POLD1: variants seen among roughly 807,000 people sequenced by gnomAD.
POLD1 encodes the protein DNA polymerase delta catalytic subunit.
POLD1 carries 79 observed loss-of-function variants against 129.7 expected under a neutral mutation model. The ratio of observed to expected loss-of-function variants is 0.61; its 90% confidence interval spans 0.51 to 0.73. The LOEUF (loss-of-function observed/expected upper bound fraction) is 0.73. POLD1 is among the 30% of genes least tolerant of loss of function. The probability of loss-of-function intolerance (pLI) is 0.00; values close to 1 mark genes in which losing one functional copy is unlikely to be tolerated. For synonymous variants in POLD1, 714 were observed against 683.3 expected, an observed-to-expected ratio of 1.04 and a Z score of -0.70; for missense variants, 1,338 against 1,595.8, an observed-to-expected ratio of 0.84 and a Z score of 2.75.
rs779097933 is a variant in POLD1 at position 50,413,524 on chromosome 19, C to T, written c.2250+3C>T. 9 of 1,602,924 alleles carry T rather than the reference C, an allele frequency of 5.6e-6. No individual in the cohort carries two copies. The highest frequency in any genetic ancestry group is 1.6e-4 in the Middle Eastern group (1 of 6,076). On this transcript the variant is annotated splice_donor_region_variant and intron_variant, in intron 18 of 26. Transcript: ENST00000440232. Reference sequence around the variant, plus strand: ...ATGGCTACAGCACCAGTGCCAAGGTCGGGGGCTGCCCACCGCTGCCCTGAG... The same window carrying T: ...ATGGCTACAGCACCAGTGCCAAGGTTGGGGGCTGCCCACCGCTGCCCTGAG...
Position 50,416,537 on chromosome 19 carries a change from G to T in POLD1, c.2953+9G>T, listed in dbSNP as rs748893681. ...CGAGGCTGTGCTACTGCGTACGGGG[G>T]CACCAGGGGACTGGGGGCACCCTGG... On this transcript the variant is annotated intron_variant, in intron 23 of 26. Coordinates refer to ENST00000440232, the MANE Select transcript of POLD1 (RefSeq NM_002691.4). The T allele has an allele frequency of 6.4e-7, 1 of 1,551,862 alleles. No homozygotes were observed. Among genetic ancestry groups the T allele is most frequent in the Non-Finnish European group, 8.7e-7 (1 of 1,150,108 alleles).
intron 22 of POLD1, 147 bp from the exon 23 acceptor site, chr19:50,416,249 C>G: frequency 1.3e-6 from 1 of 763,956 alleles, no homozygotes; most frequent in Non-Finnish European, 2.1e-6. Flanking sequence ...GACTCCGTGA[C>G]CTCCGACCCC....
chr19:50,415,717 C>T lies in POLD1; in HGVS notation c.2718-7C>T. 1 of 1,533,856 alleles carries T rather than the reference C, an allele frequency of 6.5e-7. No individual in the cohort carries two copies. Among genetic ancestry groups the T allele is most frequent in the Non-Finnish European group, 8.8e-7 (1 of 1,139,406 alleles). On this transcript the variant is annotated splice_region_variant and splice_polypyrimidine_tract_variant and intron_variant, in intron 21 of 26. Transcript: ENST00000440232. ...CCTCACCCACCCGCCACCCCATCTC[C>T]ACGCAGGATGAGGAAGCGGGACCCC...
chr19:50,406,988 G>T lies in POLD1; in HGVS notation c.1500G>T (p.Gly500=). ...QHSIITDLQN[G]NDQTRRRLAV... ...CCATCCGTGCCCATCCCCAGAATGG[G>T]AACGACCAGACCCGCCGCCGCCTGG... The change falls in exon 13 of 27, where the codon GGG becomes GGT. Residue 500 remains glycine, a synonymous_variant. Coordinates refer to ENST00000440232, the MANE Select transcript of POLD1 (RefSeq NM_002691.4). This position sits in a 1 kb window ranked among gnomAD's most constrained non-coding sequence, Gnocchi z 5.5. 1.3e-6 allele frequency: 2 copies of T among 1,596,662 alleles called. No individual in the cohort carries two copies. The highest frequency in any genetic ancestry group is 2.2e-5 in the East Asian group (1 of 44,662).
chr19:50,385,549 G>A (rs915440172), intron 1 of POLD1, among the ~76,000 whole-genome samples: 3 of 128,738 alleles, frequency 2.3e-5, no homozygotes. Flanking sequence ...TTTTTTTTGA[G>A]ACAGAGTCTT....
In POLD1 at chr19:50,417,939, G is replaced by A. The variant is rs778990190; in HGVS notation, c.3316G>A (p.Ala1106Thr). Residue 1106 changes from alanine to threonine, a missense_variant, in exon 27 of 27, where the codon GCC becomes ACC. Transcript: ENST00000440232. ...LRRFGPPGPE[A>T]W ...GCGCTTCGGACCCCCTGGACCTGAGGCCTGGTGACCTTGCAAGCATCCCAT... is the reference window on the plus strand; with the variant it reads ...GCGCTTCGGACCCCCTGGACCTGAGACCTGGTGACCTTGCAAGCATCCCAT... The A allele has an allele frequency of 1.9e-6, 3 of 1,604,778 alleles. No homozygotes were observed. Among genetic ancestry groups the A allele is most frequent in the Non-Finnish European group, 2.6e-6 (3 of 1,174,118 alleles).
chr19:50,406,619 C>A lies in POLD1; in HGVS notation c.1494+102C>A. 1 of 839,464 alleles carries A rather than the reference C, an allele frequency of 1.2e-6. No homozygotes were observed. The highest frequency in any genetic ancestry group is 1.5e-5 in the South Asian group (1 of 65,696). 52.0% of individuals were successfully genotyped at this position (839,464 alleles called of 1,614,324 possible). On this transcript the variant is annotated intron_variant, in intron 12 of 26. Coordinates refer to ENST00000440232, the MANE Select transcript of POLD1 (RefSeq NM_002691.4). The surrounding 1 kb of genome is among the most constrained non-coding windows in gnomAD (Gnocchi z 5.5). Reference sequence around the variant, plus strand: ...TCACGCCCCCACGTCTGACCTCACTCTTTGACCTGCTGTTATGACCTGTGA... The same window carrying A: ...TCACGCCCCCACGTCTGACCTCACTATTTGACCTGCTGTTATGACCTGTGA...
rs2122196742 is a variant in POLD1 at position 50,398,998 on chromosome 19, G to T, written c.147G>T (p.Arg49Ser). 1 of 1,566,510 alleles carries T rather than the reference G, an allele frequency of 6.4e-7. No homozygotes were observed. The highest frequency in any genetic ancestry group is 2.3e-5 in the East Asian group (1 of 42,896). ...ALMEEMEAEH[R>S]LQEQEEEELQ... ...TGGAGGAGATGGAGGCAGAACACAGGCTGCAGGAGCAGGAGGAGGAGGAGC... is the reference window on the plus strand; with the variant it reads ...TGGAGGAGATGGAGGCAGAACACAGTCTGCAGGAGCAGGAGGAGGAGGAGC... The change falls in exon 2 of 27, where the codon AGG becomes AGT. Residue 49 changes from arginine (R) to serine (S), a missense_variant. Arg to Ser is a moderately radical substitution (Grantham distance 110). Around this residue, in one of 3 missense-constraint regions of POLD1, gnomAD observed 332 missense variants for 315.7 expected, o/e 1.05. Coordinates refer to ENST00000440232, the MANE Select transcript of POLD1 (RefSeq NM_002691.4).
Position 50,406,870 on chromosome 19 carries a change from C to A in POLD1, c.1495-113C>A. On this transcript the variant is annotated intron_variant, in intron 12 of 26. Coordinates refer to ENST00000440232, the MANE Select transcript of POLD1 (RefSeq NM_002691.4). This position sits in a 1 kb window ranked among gnomAD's most constrained non-coding sequence, Gnocchi z 5.5. ...ACGACTTGGAGGGCCCTCCTGCCCGCCTCACCTCCCAGGCCCTCCCCAGGC... is the reference window on the plus strand; with the variant it reads ...ACGACTTGGAGGGCCCTCCTGCCCGACTCACCTCCCAGGCCCTCCCCAGGC... 1 of 866,046 alleles carries A rather than the reference C, an allele frequency of 1.2e-6. No homozygotes were observed. The highest frequency in any genetic ancestry group is 2.5e-5 in the East Asian group (1 of 40,310). 53.6% of individuals were successfully genotyped at this position (866,046 alleles called of 1,614,324 possible).
In POLD1 at chr19:50,413,926, G is replaced by A. The variant is rs777494756; in HGVS notation, c.2388+47G>A. ...TCTGCATTTAGGTGCCCTCATCAGG[G>A]TACTCAGGGTGTCCCGTTCTTTGGG... On this transcript the variant is annotated intron_variant, in intron 19 of 26. Transcript: ENST00000440232. 2.0e-6 allele frequency: 3 copies of A among 1,522,016 alleles called. No individual in the cohort carries two copies. The South Asian group carries it at 3.9e-5, about 20-fold the overall frequency. 94.3% of individuals were successfully genotyped at this position (1,522,016 alleles called of 1,614,324 possible). A position where few individuals can be genotyped will look rare whatever the true frequency, so the allele number is the denominator to read the frequency against.
At chr19:50,391,425 CGA>C (rs1232952423) in intron 1 of POLD1, among the ~76,000 whole-genome samples, 1 of 152,292 alleles carries the variant, frequency 6.6e-6, no homozygotes, top group African/African-American at 2.4e-5. Context: ...ACTGAGTGAG[CGA>C]GACTCCGTCT....
chr19:50,402,401 C>T (rs2122247781), intron 6 of POLD1, 28 bp downstream of exon 6: 1 of 1,613,770 alleles, frequency 6.2e-7, no homozygotes, highest in Non-Finnish European at 8.5e-7. Flanking sequence ...CTTCTCCGGC[C>T]TCTATCCCCA....
chr19:50,413,289 GC>G (rs997663143), intron 17 of POLD1, 136 bp from the exon 18 acceptor site: 1 of 681,172 alleles, frequency 1.5e-6, no homozygotes, highest in Non-Finnish European at 2.5e-6. Flanking sequence ...GGGAACTGAG[GC>G]CCAGGAGGGG....
intron 10 of POLD1, among the ~76,000 whole-genome samples, chr19:50,404,132 G>T (rs1468238020): frequency 1.3e-5 from 2 of 152,216 alleles, no homozygotes; most frequent in Non-Finnish European, 2.9e-5. Context: ...GTGTCAGCGG[G>T]CCTGCTTCCT....
At position 50,416,486 on chromosome 19, in the gene POLD1, G is replaced by A. The variant is rs897259743; in HGVS notation, c.2911G>A (p.Glu971Lys). The A allele has an allele frequency of 8.4e-6, 13 of 1,551,916 alleles. No individual in the cohort carries two copies. Among genetic ancestry groups the A allele is most frequent in the East Asian group, 7.3e-5 (3 of 41,154 alleles). The change falls in exon 23 of 27, where the codon GAG (glutamate) becomes AAG (lysine). Residue 971 changes from glutamate to lysine, a missense_variant. Glu to Lys is a moderately conservative substitution (Grantham distance 56). Around this residue, in one of 3 missense-constraint regions of POLD1, gnomAD observed 286 missense variants for 277.5 expected, o/e 1.03. Coordinates refer to ENST00000440232, the MANE Select transcript of POLD1 (RefSeq NM_002691.4). Reference sequence around the variant, plus strand: ...GGCCAAGCCCCTCCTGCGCATCTTCGAGCCCATCCTGGGCGAGGGCCGTGC... The same window carrying A: ...GGCCAAGCCCCTCCTGCGCATCTTCAAGCCCATCCTGGGCGAGGGCCGTGC... ...QLAKPLLRIFEPILGEGRAEA... is the reference protein window; with the variant it reads ...QLAKPLLRIFKPILGEGRAEA...
Position 50,398,713 on chromosome 19 carries a change from G to C in POLD1, c.-1-138G>C. 3 of 1,387,522 alleles carry C rather than the reference G, an allele frequency of 2.2e-6. No homozygotes were observed. The South Asian group carries it at 4.0e-5, about 19-fold the overall frequency. The allele number at this position is 1,387,522 out of a possible 1,614,324, so 86.0% of individuals were successfully genotyped here. On this transcript the variant is annotated intron_variant, in intron 1 of 26. Coordinates refer to ENST00000440232, the MANE Select transcript of POLD1 (RefSeq NM_002691.4). ...GTGCTCCCACCCCACTGCCTGCAGG[G>C]TGCAGAGAGCTATGTTAGTACAGCC... is the stretch of plus-strand genomic sequence containing the variant.
At chr19:50,393,937 T>C (rs985480793) in intron 1 of POLD1, 1 of 152,200 alleles carries the variant, frequency 6.6e-6, no homozygotes, top group Non-Finnish European at 1.5e-5. Flanking sequence ...TTCTAACATA[T>C]ACTCCATCAG....
In POLD1 at chr19:50,402,100, G is replaced by T. The variant is rs761846026; in HGVS notation, c.565G>T (p.Ala189Ser). The change falls in exon 5 of 27, where the codon GCT (alanine) becomes TCT (serine). Residue 189 changes from alanine to serine, a missense_variant. This residue lies in a region of POLD1 where 332 missense variants were observed against 315.7 expected (regional missense o/e 1.05). Coordinates refer to ENST00000440232, the MANE Select transcript of POLD1 (RefSeq NM_002691.4). ...GGAGCTGACTGGGCCGGCCGTGCTGGCTGTGGAACTGTGCTCCCGAGAGAG... is the reference window on the plus strand; with the variant it reads ...GGAGCTGACTGGGCCGGCCGTGCTGTCTGTGGAACTGTGCTCCCGAGAGAG... ...GRELTGPAVL[A>S]VELCSRESMF... is the part of the protein sequence containing the mutation. 20 of 1,613,476 alleles carry T rather than the reference G, an allele frequency of 1.2e-5. No individual in the cohort carries two copies. The highest frequency in any genetic ancestry group is 1.5e-5 in the Non-Finnish European group (18 of 1,179,748).
intron 1 of POLD1, among the ~76,000 whole-genome samples, chr19:50,397,149 A>T (rs2038400178): frequency 1.3e-5 from 2 of 150,702 alleles, no homozygotes. Flanking sequence ...CTGAAATCTC[A>T]GCACTTTGGG....
Sources: gnomAD v4.1 joint callset for allele counts (sites outside exome capture counted in the v4.1 genomes callset) on GRCh38, gnomAD v4.1.1 for gene constraint, gnomAD v4.1.1 regional missense constraint, Gnocchi (gnomAD v3.1) non-coding constraint, MANE v1.5 for transcripts, NCBI Gene and HGNC (gene_info 2026-07-23, HGNC 2026-07-21) for gene names.